Variants in ZRANB3 observed in about 807,000 individuals in gnomAD.
ZRANB3 encodes the protein zinc finger RANBP2-type containing 3.
Under a neutral mutation model 133.8 loss-of-function variants are expected in ZRANB3, and 125 were observed. That is an observed-to-expected ratio of 0.93 (90% confidence interval 0.81 to 1.08). ZRANB3 has a LOEUF of 1.08. ZRANB3 is among the 50% of genes least tolerant of loss of function. ZRANB3 has a pLI of 0.00. For missense variants in ZRANB3, 1,229 were observed against 1,275.5 expected, an observed-to-expected ratio of 0.96 and a Z score of 0.56; for synonymous variants, 387 against 432.7, an observed-to-expected ratio of 0.89 and a Z score of 1.31.
intron 8 of ZRANB3, among the ~76,000 whole-genome samples, chr2:135,296,557 T>C (rs906321123): frequency 2.6e-5 from 4 of 152,228 alleles, no homozygotes; most frequent in African/African-American, 7.2e-5. Flanking sequence ...AGTTTGATCT[T>C]CTGAAGCCTT....
intron 2 of ZRANB3, among the ~76,000 whole-genome samples, chr2:135,436,936 C>A (rs1364469748): frequency 6.6e-6 from 1 of 152,168 alleles, no homozygotes; most frequent in African/African-American, 2.4e-5. Context: ...CACAAATGTT[C>A]ATCAATACTA....
At chr2:135,234,737 C>G (rs2105074165) in intron 12 of ZRANB3, among the ~76,000 whole-genome samples, 1 of 152,260 alleles carries the variant, frequency 6.6e-6, no homozygotes, top group South Asian at 2.1e-4. Flanking sequence ...TCTTTGGAAT[C>G]AATGAGAACG....
chr2:135,388,466 T>C (rs1687078273), intron 3 of ZRANB3, among the ~76,000 whole-genome samples: 1 of 150,412 alleles, frequency 6.6e-6, no homozygotes, highest in South Asian at 2.3e-4. Context: ...TGGTGTACCA[T>C]AACTGCTAAG....
In ZRANB3 at chr2:135,230,382, T is replaced by G. The variant is rs145899159; in HGVS notation, c.1954+131A>C. Reference sequence around the variant, plus strand: ...ATTCAGTCTTCACTATAAGAAGCTCTTATTCCAATTTAAAAGCTAAAGTTG... The same window carrying G: ...ATTCAGTCTTCACTATAAGAAGCTCGTATTCCAATTTAAAAGCTAAAGTTG... On this transcript the variant is annotated intron_variant, in intron 13 of 20. Transcript: ENST00000264159. 4 of 746,244 alleles carry G rather than the reference T, an allele frequency of 5.4e-6. No individual in the cohort carries two copies. The African/African-American group carries it at 7.2e-5, about 13-fold the overall frequency. The allele number at this position is 746,244 out of a possible 1,614,324, so 46.2% of individuals were successfully genotyped here.
intron 2 of ZRANB3, among the ~76,000 whole-genome samples, chr2:135,430,670 A>AT (rs1365100840): frequency 6.6e-6 from 1 of 152,180 alleles, no homozygotes; most frequent in Non-Finnish European, 1.5e-5. Context: ...AATACTTACT[A>AT]CAGAACTGCA....
chr2:135,360,480 C>A (rs556521249), intron 3 of ZRANB3, among the ~76,000 whole-genome samples: 1 of 151,540 alleles, frequency 6.6e-6, no homozygotes, highest in African/African-American at 2.4e-5. Context: ...CCAAGGTGGG[C>A]GGATCACAAG....
At chr2:135,506,577 A>C (rs1227820143) in intron 1 of ZRANB3, among the ~76,000 whole-genome samples, 1 of 152,226 alleles carries the variant, frequency 6.6e-6, no homozygotes, top group African/African-American at 2.4e-5. Flanking sequence ...GTTTAATTAA[A>C]ATTAAAATTA....
intron 17 of ZRANB3, among the ~76,000 whole-genome samples, chr2:135,212,858 A>G (rs961161182): frequency 6.6e-6 from 1 of 152,182 alleles, no homozygotes; most frequent in African/African-American, 2.4e-5. Context: ...AGCTGTAACC[A>G]GAGATTAAAC....
At chr2:135,344,760 A>G (rs540955977) in intron 6 of ZRANB3, among the ~76,000 whole-genome samples, 23 of 152,314 alleles carry the variant, frequency 1.5e-4, no homozygotes, top group African/African-American at 5.5e-4. Flanking sequence ...TGATAAAATA[A>G]AATAAAATGA....
intron 3 of ZRANB3, among the ~76,000 whole-genome samples, chr2:135,375,599 G>T (rs1200219204): frequency 4.6e-5 from 7 of 152,002 alleles, no homozygotes; most frequent in African/African-American, 1.4e-4. Context: ...GCAGGAAAAT[G>T]GCGTGAACCT....
At chr2:135,290,021 AG>A (rs1681606380) in intron 8 of ZRANB3, among the ~76,000 whole-genome samples, 1 of 152,198 alleles carries the variant, frequency 6.6e-6, no homozygotes, top group Non-Finnish European at 1.5e-5. Context: ...TATATTCTGT[AG>A]TTGTTGGGTA....
rs74370034 is a variant in ZRANB3 at position 135,211,940 on chromosome 2, C to A, written c.2496-2962G>T. On this transcript the variant is annotated intron_variant, in intron 17 of 20. Coordinates refer to ENST00000264159, the MANE Select transcript of ZRANB3 (RefSeq NM_032143.4). ...TGTTTTAAATGTGGGTAGATTTTGA[C>A]AAATTTCTTTCCTCTAAGGTTATAC... 1.0e-2 allele frequency among the ~76,000 whole-genome samples: 1,519 copies of A among 152,232 alleles called. 23 individuals carry two copies. The highest frequency in any genetic ancestry group is 0.035 in the African/African-American group (1,446 of 41,554).
chr2:135,256,454 G>A (rs1489389169), intron 12 of ZRANB3, among the ~76,000 whole-genome samples: 2 of 152,192 alleles, frequency 1.3e-5, no homozygotes, highest in East Asian at 3.9e-4. Context: ...TCAGCCTCCC[G>A]AGTAGCTGGG....
chr2:135,361,364 T>G (rs1432822030), intron 3 of ZRANB3, among the ~76,000 whole-genome samples: 1 of 152,218 alleles, frequency 6.6e-6, no homozygotes, highest in African/African-American at 2.4e-5. Context: ...CAAGAACACA[T>G]TTCATCAATG....
At chr2:135,281,070 A>C (rs769300006) in intron 8 of ZRANB3, among the ~76,000 whole-genome samples, 1 of 151,316 alleles carries the variant, frequency 6.6e-6, no homozygotes, top group South Asian at 2.1e-4. Flanking sequence ...CCATTCATCA[A>C]CTCTCTCAAC....
At chr2:135,281,817 C>G (rs1420637157) in intron 8 of ZRANB3, among the ~76,000 whole-genome samples, 1 of 152,216 alleles carries the variant, frequency 6.6e-6, no homozygotes, top group Non-Finnish European at 1.5e-5. Context: ...AGGACCTTTT[C>G]ATTACCCTAA....
chr2:135,423,392 C>G (rs532456544), intron 2 of ZRANB3, among the ~76,000 whole-genome samples: 23 of 152,280 alleles, frequency 1.5e-4, no homozygotes, highest in African/African-American at 5.5e-4. Context: ...GATCGTGCCA[C>G]TGCACTCTAG....
intron 3 of ZRANB3, among the ~76,000 whole-genome samples, chr2:135,389,576 G>A (rs1198616213): frequency 1.2e-4 from 18 of 151,840 alleles, no homozygotes; most frequent in African/African-American, 3.9e-4. Flanking sequence ...GTGGTGGTGC[G>A]CGCCTGTAGT....
At chr2:135,488,929 T>C (rs1207304391) in intron 2 of ZRANB3, among the ~76,000 whole-genome samples, 3 of 152,022 alleles carry the variant, frequency 2.0e-5, no homozygotes, top group East Asian at 3.9e-4. Context: ...CAAAGTATGC[T>C]ATATAATCAA....
Sources: allele counts gnomAD v4.1 joint callset (sites outside exome capture counted in the v4.1 genomes callset), GRCh38; gene constraint gnomAD v4.1.1; transcripts MANE v1.5; gene names NCBI Gene and HGNC (gene_info 2026-07-23, HGNC 2026-07-21).